NOD1: variants seen among roughly 807,000 people sequenced by gnomAD.
NOD1 encodes the protein nucleotide-binding oligomerization domain-containing protein 1.
Under a neutral mutation model 81.2 loss-of-function variants are expected in NOD1, and 70 were observed. That is an observed-to-expected ratio of 0.86 (90% CI 0.71 to 1.05). The LOEUF (loss-of-function observed/expected upper bound fraction) is 1.05, where lower values mean the gene tolerates loss of function less well. NOD1 is among the 50% of genes least tolerant of loss of function. The pLI is 0.00. For missense variants in NOD1, 1,233 were observed against 1,228.0 expected, an observed-to-expected ratio of 1.00 and a Z score of -0.06; for synonymous variants, 508 against 526.9, an observed-to-expected ratio of 0.96 and a Z score of 0.49.
chr7:30,468,610 A>G (rs1035886309), intron 1 of NOD1, among the ~76,000 whole-genome samples: 42 of 152,200 alleles, frequency 2.8e-4, no homozygotes, highest in African/African-American at 9.9e-4. Flanking sequence ...TTATTGAATG[A>G]ACTAAGTTAA....
At chr7:30,460,662 C>T (rs1786952551) in intron 1 of NOD1, 1 of 985,246 alleles carries the variant, frequency 1.0e-6, no homozygotes, top group African/African-American at 1.7e-5. Flanking sequence ...GAGTCCACCA[C>T]CAAAAGCCAT....
chr7:30,452,525 C>G lies in NOD1; in HGVS notation c.892G>C (p.Val298Leu), dbSNP rs373613449. Residue 298 changes from valine to leucine, a missense_variant, in exon 6 of 14, where the codon GTG becomes CTG. Physicochemically the swap from Val to Leu is conservative, Grantham distance 32. Coordinates refer to ENST00000222823, the MANE Select transcript of NOD1 (RefSeq NM_006092.4). ...TCCCAGGGGCAGGAGCTGTCAGGCACGCGGCTCAGGTCCAAGTCCGAGTGC... is the reference window on the plus strand; with the variant it reads ...TCCCAGGGGCAGGAGCTGTCAGGCAGGCGGCTCAGGTCCAAGTCCGAGTGC... ...ELHSDLDLSR[V>L]PDSSCPWEPA... The G allele has an allele frequency of 6.2e-7, 1 of 1,613,016 alleles. No individual in the cohort carries two copies.
In NOD1 at chr7:30,464,679, G is replaced by A. The variant is rs1787505046; in HGVS notation, c.-351-4638C>T. Among the ~76,000 whole-genome samples, 7 of 152,196 alleles carry A rather than the reference G, an allele frequency of 4.6e-5. No homozygotes were observed. The South Asian group carries it at 1.4e-3, about 31-fold the overall frequency. On this transcript the variant is annotated intron_variant, in intron 1 of 13. Coordinates refer to ENST00000222823, the MANE Select transcript of NOD1 (RefSeq NM_006092.4). ...TTTGCTGGTGATTTTAGGCTGTGGGGAACAGGGGCACTCTCAGTTTATGTC... is the reference window on the plus strand; with the variant it reads ...TTTGCTGGTGATTTTAGGCTGTGGGAAACAGGGGCACTCTCAGTTTATGTC...
chr7:30,451,202 C>T lies in NOD1; in HGVS notation c.2201+14G>A. 1.2e-6 allele frequency: 2 copies of T among 1,606,338 alleles called. No individual in the cohort carries two copies. The highest frequency in any genetic ancestry group is 1.7e-6 in the Non-Finnish European group (2 of 1,174,846). On this transcript the variant is annotated intron_variant, in intron 6 of 13. Coordinates refer to ENST00000222823, the MANE Select transcript of NOD1 (RefSeq NM_006092.4). This position sits in a 1 kb window ranked among gnomAD's most constrained non-coding sequence, Gnocchi z 4.2. ...CCCGGCCCACCTGTTGCTCCCCTTG[C>T]CTGGCAGCCTCACCTGAGAACAGTG...
At chr7:30,473,897 T>C (rs1424208918) in intron 1 of NOD1, among the ~76,000 whole-genome samples, 1 of 152,140 alleles carries the variant, frequency 6.6e-6, no homozygotes, top group Non-Finnish European at 1.5e-5. Flanking sequence ...TTGTCTCCTC[T>C]ATAAAACAAG....
chr7:30,469,104 CTG>C lies in NOD1; in HGVS notation c.-351-9065_-351-9064del, dbSNP rs887584760. ...TTCCTGCTGCATGATCCACAACAAT[CTG>C]TGTTCTGTTGTTGTCTGTTTGTTTT... is the stretch of plus-strand genomic sequence containing the variant. On this transcript the variant is annotated intron_variant, in intron 1 of 13. Coordinates refer to ENST00000222823, the MANE Select transcript of NOD1 (RefSeq NM_006092.4). 136 of 985,326 alleles carry C rather than the reference CTG, an allele frequency of 1.4e-4. 1 individual carries two copies. The highest frequency in any genetic ancestry group is 1.0e-4 in the Non-Finnish European group (85 of 829,948). 61.0% of individuals were successfully genotyped at this position (985,326 alleles called of 1,614,324 possible). A position where few individuals can be genotyped will look rare whatever the true frequency, so the allele number is the denominator to read the frequency against.
At position 30,453,131 on chromosome 7, in the gene NOD1, G is replaced by A. The variant is rs372245142; in HGVS notation, c.377-91C>T. ...GGGAGGTCTCAAAGAGGAGAGGCGA[G>A]TGCATAAACAAAATTCACAACCTGG... On this transcript the variant is annotated intron_variant, in intron 5 of 13. Coordinates refer to ENST00000222823, the MANE Select transcript of NOD1 (RefSeq NM_006092.4). The A allele has an allele frequency of 7.8e-6, 11 of 1,411,900 alleles. No individual in the cohort carries two copies. The South Asian group carries it at 1.4e-4, about 18-fold the overall frequency. 87.5% of individuals were successfully genotyped at this position (1,411,900 alleles called of 1,614,324 possible).
intron 1 of NOD1, among the ~76,000 whole-genome samples, chr7:30,472,362 A>C: frequency 6.6e-6 from 1 of 150,954 alleles, no homozygotes; most frequent in African/African-American, 2.4e-5. Context: ...GCATGATTTC[A>C]CTCTTTTTTT....
rs375888786 is a variant in NOD1 at position 30,437,663 on chromosome 7, G to C, written c.2454-7C>G. On this transcript the variant is annotated splice_region_variant and splice_polypyrimidine_tract_variant and intron_variant, in intron 9 of 13. Transcript: ENST00000222823. ...AACTTGATTGCCCCACATCCTGAGG[G>C]AGGAGACAAGATAGTGAATGTTAGC... 1.9e-5 allele frequency: 28 copies of C among 1,508,466 alleles called. No homozygotes were observed. In the East Asian group the frequency reaches 2.2e-4, roughly 12 times the overall value. 93.4% of individuals were successfully genotyped at this position (1,508,466 alleles called of 1,614,324 possible).
intron 1 of NOD1, among the ~76,000 whole-genome samples, chr7:30,468,343 C>T (rs1787919885): frequency 6.6e-6 from 1 of 152,176 alleles, no homozygotes; most frequent in African/African-American, 2.4e-5. Context: ...TTTGATTTCT[C>T]AGCAGCAAAT....
intron 6 of NOD1, among the ~76,000 whole-genome samples, chr7:30,450,975 G>A (rs1292419062): frequency 1.3e-5 from 2 of 152,176 alleles, no homozygotes; most frequent in African/African-American, 2.4e-5. Context: ...TCCAGATGAG[G>A]GCGTGGAGGC....
chr7:30,437,865 C>T (rs1784516812), intron 9 of NOD1, among the ~76,000 whole-genome samples: 1 of 152,150 alleles, frequency 6.6e-6, no homozygotes, highest in Non-Finnish European at 1.5e-5. Flanking sequence ...GATGCAAGAT[C>T]GAAGAGCAGG....
chr7:30,456,674 C>T (rs1177164674), intron 4 of NOD1, 47 bp downstream of exon 4: 2 of 1,551,450 alleles, frequency 1.3e-6, no homozygotes, highest in East Asian at 4.5e-5. Context: ...CCTCTTCTAG[C>T]TCCCGGGGTC....
chr7:30,446,284 C>G (rs1373326168), intron 8 of NOD1, 60 bp from the exon 9 acceptor site: 2 of 1,231,982 alleles, frequency 1.6e-6, no homozygotes, highest in Non-Finnish European at 2.4e-6. Context: ...ATGTGGGTCA[C>G]CCTCCTCCCC....
chr7:30,463,400 A>C (rs1562709362), intron 1 of NOD1, among the ~76,000 whole-genome samples: 1 of 93,436 alleles, frequency 1.1e-5, no homozygotes, highest in Non-Finnish European at 2.2e-5. Flanking sequence ...CCAAGACAAA[A>C]ACAAAAATGA....
chr7:30,470,249 T>C (rs117759498), intron 1 of NOD1, among the ~76,000 whole-genome samples: 2 of 152,362 alleles, frequency 1.3e-5, no homozygotes, highest in Non-Finnish European at 2.9e-5. Context: ...AGTGAGTTAA[T>C]ACACGTACAT....
intron 1 of NOD1, chr7:30,463,680 A>G (rs1267405845): frequency 6.6e-6 from 1 of 150,410 alleles, no homozygotes; most frequent in Non-Finnish European, 1.5e-5. Flanking sequence ...GGAGATGTGC[A>G]TTTCTTATAA....
rs1024426961 is a variant in NOD1, at chr7:30,448,158, G to A, written c.2285+140C>T. 5.8e-6 allele frequency: 4 copies of A among 690,798 alleles called. 1 individual carries two copies. Among genetic ancestry groups the A allele is most frequent in the Non-Finnish European group, 1.0e-5 (4 of 388,298 alleles). The allele number at this position is 690,798 out of a possible 1,614,324, so 42.8% of individuals were successfully genotyped here. The stretch of plus-strand genomic sequence containing the variant: ...TGGCCGAGCCACAAAGAGAACCCAG[G>A]ACTCTCAACTCCTGGGCCAGCGCTC... On this transcript the variant is annotated intron_variant, in intron 7 of 13. Coordinates refer to ENST00000222823, the MANE Select transcript of NOD1 (RefSeq NM_006092.4).
chr7:30,460,221 A>G (rs1181622139), intron 1 of NOD1, 180 bp from the exon 2 acceptor site: 6 of 984,788 alleles, frequency 6.1e-6, no homozygotes, highest in Non-Finnish European at 3.6e-6. Context: ...GGTAAACAGA[A>G]TCTAAGGGTA....
Sources: allele counts gnomAD v4.1 joint callset (sites outside exome capture counted in the v4.1 genomes callset), GRCh38; gene constraint gnomAD v4.1.1; non-coding constraint Gnocchi (gnomAD v3.1); transcripts MANE v1.5; gene names NCBI Gene and HGNC (gene_info 2026-07-23, HGNC 2026-07-21).